Variants in IL19 observed in about 807,000 individuals in gnomAD.
The protein encoded by IL19 is interleukin-19.
IL19 carries 15 observed loss-of-function variants against 19.5 expected under a neutral mutation model. The ratio of observed to expected loss-of-function variants is 0.77; its 90% CI spans 0.52 to 1.19. The LOEUF is 1.19. IL19 is among the 50% of genes most tolerant of loss of function. IL19 has a pLI of 0.00. For synonymous variants in IL19, 78 were observed against 78.3 expected, an observed-to-expected ratio of 1.00 and a Z score of 0.02; for missense variants, 199 against 213.1, an observed-to-expected ratio of 0.93 and a Z score of 0.41.
chr1:206,775,678 G>C (rs1430230295), intron 1 of IL19, among the ~76,000 whole-genome samples: 5 of 152,200 alleles, frequency 3.3e-5, no homozygotes. Context: ...AGTTTTTGAA[G>C]ATACCTGTTC....
intron 4 of IL19, among the ~76,000 whole-genome samples, chr1:206,839,408 T>C (rs1478902548): frequency 6.6e-6 from 1 of 152,188 alleles, no homozygotes; most frequent in Non-Finnish European, 1.5e-5. Context: ...AGCCCTTGCA[T>C]GTTGGCAGAT....
At chr1:206,808,500 CGTGT>C (rs36044951) in intron 2 of IL19, among the ~76,000 whole-genome samples, 45,107 of 148,546 alleles carry the variant, frequency 0.3, 6,947 homozygotes, top group African/African-American at 0.36. Context: ...TGTGTGTGTG[CGTGT>C]GTGTGTGTGT....
At chr1:206,813,996 C>G (rs1413441054) in intron 2 of IL19, among the ~76,000 whole-genome samples, 2 of 152,122 alleles carry the variant, frequency 1.3e-5, no homozygotes, top group Admixed American at 6.5e-5. Flanking sequence ...GCTTGCTAGC[C>G]CCCATGGTTG....
At chr1:206,790,807 T>C (rs757325551) in intron 1 of IL19, among the ~76,000 whole-genome samples, 1 of 151,924 alleles carries the variant, frequency 6.6e-6, no homozygotes, top group Non-Finnish European at 1.5e-5. Flanking sequence ...GTTGTTAGGG[T>C]TTTCACCATC....
At chr1:206,780,675 G>T (rs1675109574) in intron 1 of IL19, among the ~76,000 whole-genome samples, 1 of 152,222 alleles carries the variant, frequency 6.6e-6, no homozygotes, top group Non-Finnish European at 1.5e-5. Flanking sequence ...GCAAACAGAG[G>T]CCTAGAGAAG....
In IL19 at chr1:206,770,804, G is replaced by T; in HGVS notation, c.-423G>T. 1 of 1,121,448 alleles carries T rather than the reference G, an allele frequency of 8.9e-7. No individual in the cohort carries two copies. The highest frequency in any genetic ancestry group is 1.4e-6 in the Non-Finnish European group (1 of 729,842). The allele number at this position is 1,121,448 out of a possible 1,614,324, so 69.5% of individuals were successfully genotyped here. A position where few individuals can be genotyped will look rare whatever the true frequency, so the allele number is the denominator to read the frequency against. ...TCCTCATTTACAGCTAGCTCTGCCAGTCTGTGTCTTTGCTGTGTCTGTGGA... is the reference window on the plus strand; with the variant it reads ...TCCTCATTTACAGCTAGCTCTGCCATTCTGTGTCTTTGCTGTGTCTGTGGA... On this transcript the variant is annotated 5_prime_UTR_variant, in exon 1 of 7. Coordinates refer to ENST00000659997, the MANE Select transcript of IL19 (RefSeq NM_153758.5).
At chr1:206,789,449 T>C (rs961206504) in intron 1 of IL19, among the ~76,000 whole-genome samples, 1 of 152,216 alleles carries the variant, frequency 6.6e-6, no homozygotes, top group African/African-American at 2.4e-5. Flanking sequence ...TGGTTTTTGA[T>C]TCCTGAGTTA....
intron 1 of IL19, among the ~76,000 whole-genome samples, chr1:206,798,162 G>T (rs1045050183): frequency 1.3e-5 from 2 of 152,178 alleles, no homozygotes; most frequent in Admixed American, 6.5e-5. Context: ...TTGAGATGGG[G>T]TCTCACTATA....
intron 4 of IL19, among the ~76,000 whole-genome samples, chr1:206,838,833 T>G (rs922704117): frequency 2.7e-5 from 4 of 150,798 alleles, no homozygotes; most frequent in African/African-American, 9.7e-5. Flanking sequence ...ACTCCCACCT[T>G]CCTTTTTTCT....
chr1:206,772,385 C>T (rs1338962228), intron 1 of IL19: 1 of 1,614,040 alleles, frequency 6.2e-7, no homozygotes, highest in Admixed American at 1.7e-5. Context: ...CTGGGCTGGC[C>T]CTCACCCCAG....
chr1:206,827,845 G>C (rs6540645), intron 2 of IL19, among the ~76,000 whole-genome samples: 117,966 of 152,170 alleles, frequency 0.78, 46,268 homozygotes, highest in African/African-American at 0.82. Flanking sequence ...ATGACTGCAC[G>C]CAGCTGTACC....
chr1:206,795,927 A>ATATATGTGTGTG (rs1553439245), intron 1 of IL19, among the ~76,000 whole-genome samples: 11 of 133,532 alleles, frequency 8.2e-5, no homozygotes, highest in Admixed American at 1.5e-4. Flanking sequence ...AAATATATAT[A>ATATATGTGTGTG]TGTGTGTGTG....
At chr1:206,800,859 G>A (rs1196703144) in intron 2 of IL19, among the ~76,000 whole-genome samples, 1 of 152,192 alleles carries the variant, frequency 6.6e-6, no homozygotes, top group Non-Finnish European at 1.5e-5. Context: ...ATTGCCTTGG[G>A]GTCTGGAAGG....
At chr1:206,835,618 C>T (rs1373327699) in intron 2 of IL19, among the ~76,000 whole-genome samples, 1 of 152,170 alleles carries the variant, frequency 6.6e-6, no homozygotes, top group African/African-American at 2.4e-5. Context: ...ATGCCCTCCT[C>T]TCCTCCACGG....
chr1:206,818,691 A>G (rs1193483562), intron 2 of IL19, among the ~76,000 whole-genome samples: 1 of 152,242 alleles, frequency 6.6e-6, no homozygotes, highest in Non-Finnish European at 1.5e-5. Flanking sequence ...CACTTTCGTT[A>G]CAATAAAAAG....
chr1:206,797,155 G>T (rs1176136602), intron 1 of IL19, among the ~76,000 whole-genome samples: 1 of 152,186 alleles, frequency 6.6e-6, no homozygotes, highest in African/African-American at 2.4e-5. Context: ...CTTGGCTTTT[G>T]CATGGTCAAG....
intron 2 of IL19, among the ~76,000 whole-genome samples, chr1:206,816,181 C>T (rs1676151033): frequency 6.6e-6 from 1 of 152,024 alleles, no homozygotes; most frequent in Admixed American, 6.6e-5. Flanking sequence ...CACTAATGTC[C>T]TTTAGGCAGG....
chr1:206,806,378 A>G (rs1675845151), intron 2 of IL19, among the ~76,000 whole-genome samples: 1 of 152,248 alleles, frequency 6.6e-6, no homozygotes, highest in Non-Finnish European at 1.5e-5. Flanking sequence ...TCTGAAATAT[A>G]TTCAGGTAGA....
intron 2 of IL19, among the ~76,000 whole-genome samples, chr1:206,809,306 A>C (rs1341994414): frequency 2.0e-5 from 3 of 152,148 alleles, no homozygotes; most frequent in Non-Finnish European, 4.4e-5. Flanking sequence ...TACCTATGTG[A>C]GATCTCCACA....
Sources: allele counts gnomAD v4.1 joint callset (sites outside exome capture counted in the v4.1 genomes callset), GRCh38; gene constraint gnomAD v4.1.1; transcripts MANE v1.5; gene names NCBI Gene and HGNC (gene_info 2026-07-23, HGNC 2026-07-21).